The following TPD52 variants were observed in gnomAD, a reference collection of about 807,000 sequenced individuals.
TPD52 encodes the protein tumor protein D52.
In TPD52, 17 loss-of-function variants were observed where a neutral mutation model predicts 31.3. The ratio of observed to expected loss-of-function variants is 0.54; its 90% confidence interval spans 0.37 to 0.82. The LOEUF (loss-of-function observed/expected upper bound fraction) is 0.82. Ranked by LOEUF, TPD52 falls within the 40% of genes least tolerant of loss-of-function variation. TPD52 has a pLI of 0.00. For missense variants in TPD52, 212 were observed against 240.1 expected, an observed-to-expected ratio of 0.88 and a Z score of 0.77; for synonymous variants, 83 against 89.6, an observed-to-expected ratio of 0.93 and a Z score of 0.42.
At chr8:80,149,351 G>A (rs1024053787) in intron 1 of TPD52, among the ~76,000 whole-genome samples, 25 of 152,072 alleles carry the variant, frequency 1.6e-4, no homozygotes, top group East Asian at 5.8e-4. Flanking sequence ...CTTCTCATTC[G>A]CCTTCCACCA....
downstream of TPD52, among the ~76,000 whole-genome samples, chr8:80,034,523 A>G (rs1411211810): frequency 2.0e-5 from 3 of 152,240 alleles, no homozygotes; most frequent in Non-Finnish European, 4.4e-5. Flanking sequence ...GGAAGCTATT[A>G]GTATCACTCT....
intron 1 of TPD52, among the ~76,000 whole-genome samples, chr8:80,164,922 A>G (rs1336139444): frequency 2.7e-5 from 4 of 149,434 alleles, no homozygotes; most frequent in Admixed American, 6.6e-5. Context: ...AAAAAAAAAA[A>G]AAAAAGAGCT....
At chr8:80,149,559 G>A (rs1810433861) in intron 1 of TPD52, among the ~76,000 whole-genome samples, 1 of 152,222 alleles carries the variant, frequency 6.6e-6, no homozygotes, top group African/African-American at 2.4e-5. Context: ...AACAGGCAGA[G>A]GTTGGAAGAG....
At chr8:80,072,798 C>CACACATATATATATATATATATATATAT (rs977939775) in intron 1 of TPD52, among the ~76,000 whole-genome samples, 1 of 141,050 alleles carries the variant, frequency 7.1e-6, no homozygotes, top group African/African-American at 3.0e-5. Flanking sequence ...CACACACACA[C>CACACATATATATATATATATATATATAT]ATATATATAT....
At chr8:80,051,833 C>G in intron 3 of TPD52, 1 of 502,206 alleles carries the variant, frequency 2.0e-6, no homozygotes, top group Non-Finnish European at 3.5e-6. Context: ...GCACAATCTT[C>G]TGCAGTGCCC....
In TPD52 at chr8:80,080,448, A is replaced by G. The variant is rs779590204; in HGVS notation, c.20-15855T>C. On this transcript the variant is annotated intron_variant, in intron 1 of 7. Coordinates refer to ENST00000518937, the MANE Select transcript of TPD52 (RefSeq NM_001025253.3). ...CCTCATATAAGTCCATCTCTCTACAATCCATTCCAGACAAACGCAGAATGC... is the reference window on the plus strand; with the variant it reads ...CCTCATATAAGTCCATCTCTCTACAGTCCATTCCAGACAAACGCAGAATGC... 4 of 1,614,090 alleles carry G rather than the reference A, an allele frequency of 2.5e-6. No homozygotes were observed. The South Asian group carries it at 4.4e-5, about 18-fold the overall frequency.
intron 1 of TPD52, among the ~76,000 whole-genome samples, chr8:80,081,863 G>T (rs1815326726): frequency 6.6e-6 from 1 of 152,152 alleles, no homozygotes; most frequent in Non-Finnish European, 1.5e-5. Flanking sequence ...GAGTACAATG[G>T]CACAATCTCA....
intron 1 of TPD52, among the ~76,000 whole-genome samples, chr8:80,132,044 T>G (rs1809058695): frequency 6.6e-6 from 1 of 151,764 alleles, no homozygotes; most frequent in African/African-American, 2.4e-5. Context: ...TTTTTTTTTT[T>G]TGGAGACAGG....
rs1008150490 is a variant in TPD52 at position 80,135,164 on chromosome 8, T to C, written c.19+36261A>G. ...AACCACAAGACCCAGTGAATTTAATTGTAAACGTCTCCCTAGTCTAGATGT... is the reference window on the plus strand; with the variant it reads ...AACCACAAGACCCAGTGAATTTAATCGTAAACGTCTCCCTAGTCTAGATGT... On this transcript the variant is annotated intron_variant, in intron 1 of 7. Transcript: ENST00000518937. Among the ~76,000 whole-genome samples the C allele has an allele frequency of 3.3e-5, 5 of 152,228 alleles. No individual in the cohort carries two copies. The East Asian group carries it at 9.6e-4, about 29-fold the overall frequency.
At chr8:80,114,655 T>A (rs902339621) in intron 1 of TPD52, among the ~76,000 whole-genome samples, 1 of 152,172 alleles carries the variant, frequency 6.6e-6, no homozygotes, top group Non-Finnish European at 1.5e-5. Context: ...TTTTCCTAAG[T>A]CAGACTCAGA....
At chr8:80,069,877 T>C (rs1192608039) in intron 1 of TPD52, among the ~76,000 whole-genome samples, 1 of 152,038 alleles carries the variant, frequency 6.6e-6, no homozygotes, top group Non-Finnish European at 1.5e-5. Context: ...CAGAGCAGAG[T>C]GGCCAAGAAC....
intron 1 of TPD52, among the ~76,000 whole-genome samples, chr8:80,155,529 C>G (rs527541781): frequency 6.6e-6 from 1 of 152,142 alleles, no homozygotes; most frequent in African/African-American, 2.4e-5. Flanking sequence ...CTCGAGGCAT[C>G]TGAGGAAAAG....
At chr8:80,111,471 AC>A (rs1329812353) in intron 1 of TPD52, among the ~76,000 whole-genome samples, 2 of 151,760 alleles carry the variant, frequency 1.3e-5, no homozygotes, top group African/African-American at 2.4e-5. Context: ...GTAGGGAAAA[AC>A]CCCCATGTAC....
At chr8:80,084,054 T>C (rs761325144) in intron 1 of TPD52, among the ~76,000 whole-genome samples, 28 of 152,174 alleles carry the variant, frequency 1.8e-4, no homozygotes, top group Non-Finnish European at 3.8e-4. Flanking sequence ...TTCATTTCCA[T>C]TGTCCTCATC....
At chr8:80,171,373 TCCAAGCCCGAG>T in intron 1 of TPD52, 41 bp downstream of exon 1, 1 of 584,292 alleles carries the variant, frequency 1.7e-6, no homozygotes, top group East Asian at 1.9e-4. Flanking sequence ...AAAGCCCGAG[TCCAAGCCCGAG>T]TCCAAGCCCG....
chr8:80,128,868 C>T (rs943318201), intron 1 of TPD52, among the ~76,000 whole-genome samples: 4 of 150,890 alleles, frequency 2.7e-5, no homozygotes, highest in Non-Finnish European at 4.4e-5. Flanking sequence ...TTCTCTTGAT[C>T]ATTTTTACAT....
intron 1 of TPD52, among the ~76,000 whole-genome samples, chr8:80,163,012 T>C (rs1004984751): frequency 6.6e-6 from 1 of 152,168 alleles, no homozygotes; most frequent in East Asian, 1.9e-4. Flanking sequence ...CTGGAATCCT[T>C]GTGTACTGTT....
intron 1 of TPD52, among the ~76,000 whole-genome samples, chr8:80,084,264 C>A (rs568196579): frequency 2.2e-4 from 34 of 152,336 alleles, no homozygotes; most frequent in African/African-American, 7.9e-4. Flanking sequence ...AGTTCCCACC[C>A]CCTGGCCCCA....
intron 1 of TPD52, among the ~76,000 whole-genome samples, chr8:80,072,211 G>C (rs891234403): frequency 6.6e-6 from 1 of 152,152 alleles, no homozygotes; most frequent in Non-Finnish European, 1.5e-5. Context: ...ATGAGGCTGA[G>C]GCAGGAGAAT....
Sources: gnomAD v4.1 joint callset for allele counts (sites outside exome capture counted in the v4.1 genomes callset) on GRCh38, gnomAD v4.1.1 for gene constraint, MANE v1.5 for transcripts, NCBI Gene and HGNC (gene_info 2026-07-23, HGNC 2026-07-21) for gene names.